Variants in ADGRL3 observed in about 807,000 individuals in gnomAD.
ADGRL3 encodes adhesion G protein-coupled receptor L3.
In ADGRL3, 62 loss-of-function variants were observed where a neutral mutation model predicts 153.5. The ratio of observed to expected loss-of-function variants is 0.40; its 90% confidence interval spans 0.33 to 0.50. The LOEUF (loss-of-function observed/expected upper bound fraction) is 0.50. Among genes scored for constraint, ADGRL3 ranks in the 20% least tolerant of loss-of-function variants. The pLI is 0.47. For missense variants in ADGRL3, 1,641 were observed against 1,859.4 expected (o/e 0.88, Z 2.16); for synonymous variants, 710 against 672.5 (o/e 1.06, Z -0.86).
chr4:61,222,697 C>T (rs371933527), intron 1 of ADGRL3, among the ~76,000 whole-genome samples: 238 of 152,250 alleles, frequency 1.6e-3, no homozygotes, highest in African/African-American at 5.5e-3. Context: ...GTTCCATATT[C>T]TAGTCTTCAT....
chr4:61,903,112 T>TA (rs905899578), intron 11 of ADGRL3, among the ~76,000 whole-genome samples: 3 of 152,170 alleles, frequency 2.0e-5, no homozygotes, highest in African/African-American at 4.8e-5. Context: ...TCTGAAGGTA[T>TA]AAAAAATGTT....
In ADGRL3 at chr4:61,432,648, T is replaced by TTCTTTCTTTC. The variant is rs1560623730; in HGVS notation, c.-174+49468_-174+49469insCTCTTTCTTT. 6.5e-4 allele frequency among the ~76,000 whole-genome samples: 27 copies of TTCTTTCTTTC among 41,608 alleles called. 2 individuals are homozygous for TTCTTTCTTTC. Among genetic ancestry groups the TTCTTTCTTTC allele is most frequent in the Admixed American group, 1.5e-3 (6 of 4,092 alleles). The allele number at this position is 41,608 out of a possible 152,430, so 27.3% of individuals were successfully genotyped here. ...TTTCTTTCTTTCTTTCTTTCTTTCT[T>TTCTTTCTTTC]TCTTTCTTTTTTTTTTTTTTTTGAG... On this transcript the variant is annotated intron_variant, in intron 2 of 26. Coordinates refer to ENST00000683033, the MANE Select transcript of ADGRL3 (RefSeq NM_001387552.1).
At chr4:61,860,723 T>A (rs1051411924) in intron 9 of ADGRL3, among the ~76,000 whole-genome samples, 4 of 152,222 alleles carry the variant, frequency 2.6e-5, no homozygotes, top group Non-Finnish European at 2.9e-5. Flanking sequence ...TATTAATAGC[T>A]GCCATGAGAG....
intron 21 of ADGRL3, among the ~76,000 whole-genome samples, chr4:62,010,741 ATTCT>A (rs1560502956): frequency 6.6e-6 from 1 of 152,102 alleles, no homozygotes; most frequent in African/African-American, 2.4e-5. Context: ...CTGTCTTCAA[ATTCT>A]TTATGAGGTA....
intron 9 of ADGRL3, among the ~76,000 whole-genome samples, chr4:61,844,875 A>C (rs78615357): frequency 1.3e-5 from 2 of 151,892 alleles, no homozygotes; most frequent in Non-Finnish European, 2.9e-5. Flanking sequence ...TGTCTCTCTA[A>C]CACTGAACTA....
At chr4:61,361,924 A>G (rs979961536) in intron 1 of ADGRL3, among the ~76,000 whole-genome samples, 4 of 150,930 alleles carry the variant, frequency 2.7e-5, no homozygotes, top group Non-Finnish European at 5.9e-5. Flanking sequence ...AGAAATTATG[A>G]ACTGTAGTAT....
At chr4:62,054,624 T>A (rs1736021812) in intron 25 of ADGRL3, among the ~76,000 whole-genome samples, 1 of 151,482 alleles carries the variant, frequency 6.6e-6, no homozygotes, top group Admixed American at 6.6e-5. Flanking sequence ...ATAATAATGA[T>A]CACACCTATA....
chr4:61,826,155 A>G (rs1328971543), intron 9 of ADGRL3, among the ~76,000 whole-genome samples: 2 of 152,184 alleles, frequency 1.3e-5, no homozygotes, highest in African/African-American at 4.8e-5. Flanking sequence ...AGTCAAGATT[A>G]TAAATTGATT....
chr4:61,223,029 A>G (rs1297900413), intron 1 of ADGRL3, among the ~76,000 whole-genome samples: 1 of 152,168 alleles, frequency 6.6e-6, no homozygotes, highest in African/African-American at 2.4e-5. Flanking sequence ...CTATTTATTG[A>G]GGAAATTTAG....
In ADGRL3 at chr4:62,046,580, A is replaced by G. The variant is rs546578444; in HGVS notation, c.3814+2031A>G. 2.6e-5 allele frequency among the ~76,000 whole-genome samples: 4 copies of G among 152,116 alleles called. No homozygotes were observed. The South Asian group carries it at 6.2e-4, about 24-fold the overall frequency. ...TCTCTAGTTTTAAAAGATATTTCAT[A>G]CAGCTGTTAAAGGAAGGGTATACAA... On this transcript the variant is annotated intron_variant, in intron 25 of 26. Transcript: ENST00000683033.
At chr4:61,996,249 C>G in intron 19 of ADGRL3, 42 bp from the exon 20 acceptor site, 1 of 1,340,694 alleles carries the variant, frequency 7.5e-7, no homozygotes, top group East Asian at 2.3e-5. Flanking sequence ...ATGTCCCATA[C>G]CCAGTCCTTG....
Position 61,748,095 on chromosome 4 carries a change from A to T in ADGRL3, c.1399+14541A>T, listed in dbSNP as rs533896259. On this transcript the variant is annotated intron_variant, in intron 8 of 26. Coordinates refer to ENST00000683033, the MANE Select transcript of ADGRL3 (RefSeq NM_001387552.1). ...AAACAGAGAGCCAAATCATGAGTGA[A>T]CTCCCATTCACAATTGCTTCAAAGA... Among the ~76,000 whole-genome samples, 315 of 151,530 alleles carry T rather than the reference A, an allele frequency of 2.1e-3. 2 individuals carry two copies. Among genetic ancestry groups the T allele is most frequent in the African/African-American group, 7.1e-3 (291 of 41,166 alleles).
chr4:61,331,886 G>T (rs760495518), intron 1 of ADGRL3, among the ~76,000 whole-genome samples: 1 of 151,910 alleles, frequency 6.6e-6, no homozygotes, highest in Non-Finnish European at 1.5e-5. Flanking sequence ...GGAAATAAGA[G>T]CACAAATTTT....
chr4:61,450,169 G>C lies in ADGRL3; in HGVS notation c.-173-46952G>C, dbSNP rs117079382. On this transcript the variant is annotated intron_variant, in intron 2 of 26. Transcript: ENST00000683033. ...GAGACTACATTTATGATTTTAATAG[G>C]CTATAAAGTAATTTTAGAAAATTAT... Among the ~76,000 whole-genome samples, 26 of 152,140 alleles carry C rather than the reference G, an allele frequency of 1.7e-4. No homozygotes were observed. The East Asian group carries it at 5.0e-3, about 29-fold the overall frequency.
intron 1 of ADGRL3, among the ~76,000 whole-genome samples, chr4:61,234,307 A>C (rs1270488354): frequency 1.3e-5 from 2 of 152,150 alleles, no homozygotes; most frequent in African/African-American, 4.8e-5. Context: ...AATAAGCAAA[A>C]GTGGAAACAC....
chr4:61,392,005 G>A (rs755075696), intron 2 of ADGRL3, among the ~76,000 whole-genome samples: 3 of 150,038 alleles, frequency 2.0e-5, no homozygotes, highest in African/African-American at 4.9e-5. Flanking sequence ...GACTGCAGGC[G>A]CCTGCCACCA....
chr4:61,323,622 G>A (rs1296283915), intron 1 of ADGRL3, among the ~76,000 whole-genome samples: 1 of 152,092 alleles, frequency 6.6e-6, no homozygotes, highest in East Asian at 1.9e-4. Context: ...AACATAACAA[G>A]AGTCACTTTT....
intron 4 of ADGRL3, among the ~76,000 whole-genome samples, chr4:61,536,106 A>C (rs539667594): frequency 6.6e-6 from 1 of 151,950 alleles, no homozygotes; most frequent in Non-Finnish European, 1.5e-5. Flanking sequence ...TTTCTAAAAA[A>C]TTTTTGATTG....
chr4:61,799,062 G>C (rs2097455677), intron 8 of ADGRL3, among the ~76,000 whole-genome samples: 1 of 133,048 alleles, frequency 7.5e-6, no homozygotes, highest in African/African-American at 2.8e-5. Flanking sequence ...TAGTTATACA[G>C]TGGTAGATAG....
Sources: allele counts gnomAD v4.1 joint callset (sites outside exome capture counted in the v4.1 genomes callset), GRCh38; gene constraint gnomAD v4.1.1; transcripts MANE v1.5; gene names NCBI Gene and HGNC (gene_info 2026-07-23, HGNC 2026-07-21).